Variants in PEX7 observed in about 807,000 individuals in gnomAD.
The protein encoded by PEX7 is PTS2 receptor.
Under a neutral mutation model 47.5 loss-of-function variants are expected in PEX7, and 34 were observed. The observed-to-expected ratio is 0.72, with a 90% CI of 0.54 to 0.95. PEX7 has a LOEUF of 0.95. PEX7 is among the 40% of genes least tolerant of loss of function. The pLI, the probability that PEX7 is intolerant of heterozygous loss-of-function variation, is 0.00. For synonymous variants in PEX7, 141 were observed against 148.8 expected, an observed-to-expected ratio of 0.95 and a Z score of 0.38; for missense variants, 394 against 400.3, an observed-to-expected ratio of 0.98 and a Z score of 0.13.
intron 8 of PEX7, among the ~76,000 whole-genome samples, chr6:136,875,891 C>T (rs967513244): frequency 6.6e-6 from 1 of 152,084 alleles, no homozygotes; most frequent in Non-Finnish European, 1.5e-5. Flanking sequence ...AAAGAATATC[C>T]TTCTTTGTCA....
chr6:136,834,283 C>A (rs1699907915), intron 3 of PEX7, among the ~76,000 whole-genome samples: 1 of 152,230 alleles, frequency 6.6e-6, no homozygotes, highest in Admixed American at 6.5e-5. Context: ...CCTCTGACTC[C>A]TGAGGCAAGC....
rs367732562 is a variant in PEX7, at chr6:136,893,803, T to C, written c.804-4339T>C. Among the ~76,000 whole-genome samples the C allele has an allele frequency of 2.4e-4, 37 of 152,288 alleles. 4 individuals carry two copies. Among genetic ancestry groups the C allele is most frequent in the Admixed American group, 1.0e-3 (16 of 15,298 alleles). ...ACATTGAAAAATAGCCAGAACATTG[T>C]CCCTTTCTCATAGTAAGGAAAGACT... is the stretch of plus-strand genomic sequence containing the variant. On this transcript the variant is annotated intron_variant, in intron 8 of 9. Coordinates refer to ENST00000318471, the MANE Select transcript of PEX7 (RefSeq NM_000288.4).
chr6:136,874,592 C>G (rs1198005843), intron 8 of PEX7, among the ~76,000 whole-genome samples: 1 of 150,624 alleles, frequency 6.6e-6, no homozygotes, highest in Admixed American at 6.6e-5. Flanking sequence ...TTGCTTGAAC[C>G]CAGAAGGCAG....
At chr6:136,861,048 G>T (rs888179441) in intron 5 of PEX7, among the ~76,000 whole-genome samples, 1 of 151,956 alleles carries the variant, frequency 6.6e-6, no homozygotes, top group Non-Finnish European at 1.5e-5. Context: ...TAATCTCCTA[G>T]TCTGCATTCA....
intron 2 of PEX7, among the ~76,000 whole-genome samples, chr6:136,825,845 T>A (rs1046319817): frequency 5.9e-5 from 9 of 152,080 alleles, no homozygotes; most frequent in Admixed American, 5.9e-4. Flanking sequence ...AAAATTTTTT[T>A]AATTTTTAGG....
At chr6:136,841,794 C>T (rs972275995) in intron 3 of PEX7, among the ~76,000 whole-genome samples, 4 of 151,746 alleles carry the variant, frequency 2.6e-5, no homozygotes, top group African/African-American at 9.7e-5. Context: ...CCATATTTTC[C>T]AGGCTGGTCT....
intron 5 of PEX7, among the ~76,000 whole-genome samples, chr6:136,850,240 G>T (rs1202975695): frequency 4.6e-5 from 7 of 151,412 alleles, no homozygotes; most frequent in African/African-American, 1.5e-4. Context: ...TTTATTTTGA[G>T]CCTTTATGTG....
At chr6:136,889,191 T>G (rs932268234) in intron 8 of PEX7, among the ~76,000 whole-genome samples, 2 of 152,202 alleles carry the variant, frequency 1.3e-5, no homozygotes, top group Non-Finnish European at 2.9e-5. Flanking sequence ...TAGAAAATTC[T>G]TGTGTTAATT....
chr6:136,823,200 C>T (rs963903388), intron 1 of PEX7: 2 of 985,288 alleles, frequency 2.0e-6, no homozygotes, highest in African/African-American at 3.5e-5. Flanking sequence ...CGACCCAGGG[C>T]TCGCGAGTTG....
At chr6:136,833,354 C>T (rs539286243) in intron 3 of PEX7, among the ~76,000 whole-genome samples, 30 of 152,238 alleles carry the variant, frequency 2.0e-4, no homozygotes, top group South Asian at 1.7e-3. Context: ...GTCCCTCCTT[C>T]GACACGTGGG....
intron 9 of PEX7, among the ~76,000 whole-genome samples, chr6:136,912,661 A>T (rs2115299029): frequency 6.6e-6 from 1 of 152,312 alleles, no homozygotes; most frequent in East Asian, 1.9e-4. Context: ...TAAGTAGTGC[A>T]GCTTTGTTTC....
intron 5 of PEX7, among the ~76,000 whole-genome samples, chr6:136,848,809 C>T (rs890399804): frequency 6.6e-6 from 1 of 152,022 alleles, no homozygotes; most frequent in African/African-American, 2.4e-5. Context: ...GTCTAAAATT[C>T]TCTTTTTTTT....
In PEX7 at chr6:136,842,339, T is replaced by C. The variant is rs550009149; in HGVS notation, c.340-3276T>C. ...CCATTTTTAACTTCACCACCATGTG[T>C]GTCCTATCTTTAGCTCTGTCATAGA... On this transcript the variant is annotated intron_variant, in intron 3 of 9. Coordinates refer to ENST00000318471, the MANE Select transcript of PEX7 (RefSeq NM_000288.4). Among the ~76,000 whole-genome samples, 5 of 152,372 alleles carry C rather than the reference T, an allele frequency of 3.3e-5. No homozygotes were observed. The East Asian group carries it at 9.6e-4, about 29-fold the overall frequency.
intron 8 of PEX7, among the ~76,000 whole-genome samples, chr6:136,888,273 A>C (rs949949887): frequency 1.3e-5 from 2 of 152,146 alleles, no homozygotes; most frequent in Admixed American, 6.6e-5. Flanking sequence ...TCATCTTTTA[A>C]GATAGTTGTT....
chr6:136,894,307 A>T (rs1200198141), intron 8 of PEX7, among the ~76,000 whole-genome samples: 1 of 152,096 alleles, frequency 6.6e-6, no homozygotes, highest in African/African-American at 2.4e-5. Context: ...AAATACAAAA[A>T]TTAGCAGGGG....
chr6:136,848,219 T>TAAG (rs1185069197), intron 5 of PEX7, among the ~76,000 whole-genome samples: 1 of 152,246 alleles, frequency 6.6e-6, no homozygotes, highest in Non-Finnish European at 1.5e-5. Context: ...TTGCTGAAGC[T>TAAG]GCTTATCAGC....
intron 3 of PEX7, among the ~76,000 whole-genome samples, chr6:136,842,844 C>T (rs1774526139): frequency 6.6e-6 from 1 of 152,120 alleles, no homozygotes; most frequent in Non-Finnish European, 1.5e-5. Flanking sequence ...GCATATGACT[C>T]ATTGAAGGAC....
At chr6:136,866,260 T>C (rs1391584557) in intron 5 of PEX7, among the ~76,000 whole-genome samples, 1 of 152,074 alleles carries the variant, frequency 6.6e-6, no homozygotes, top group East Asian at 1.9e-4. Context: ...AAATTGTTAC[T>C]CTATTGTTGG....
At chr6:136,898,819 T>TAAAAA (rs369186191) in intron 9 of PEX7, among the ~76,000 whole-genome samples, 28 of 151,702 alleles carry the variant, frequency 1.8e-4, no homozygotes, top group African/African-American at 6.0e-4. Context: ...TTTTTTTTTT[T>TAAAAA]AAAAAAGCCT....
Sources: allele counts gnomAD v4.1 joint callset (sites outside exome capture counted in the v4.1 genomes callset), GRCh38; gene constraint gnomAD v4.1.1; transcripts MANE v1.5; gene names NCBI Gene and HGNC (gene_info 2026-07-23, HGNC 2026-07-21).